PTPRD: variants seen among roughly 807,000 people sequenced by gnomAD.
PTPRD encodes the protein protein tyrosine phosphatase receptor type D.
In PTPRD, 34 loss-of-function variants were observed where a neutral mutation model predicts 214.5. The observed-to-expected ratio is 0.16, with a 90% CI of 0.12 to 0.21. The LOEUF (loss-of-function observed/expected upper bound fraction) is 0.21, where lower values mean the gene tolerates loss of function less well. Ranked by LOEUF, PTPRD falls within the 10% of genes least tolerant of loss-of-function variation. PTPRD has a pLI of 1.00. For missense variants in PTPRD, 2,545 were observed against 2,398.7 expected, an observed-to-expected ratio of 1.06 and a Z score of -1.27; for synonymous variants, 1,128 against 845.7, an observed-to-expected ratio of 1.33 and a Z score of -5.79.
chr9:10,116,273 G>T (rs72694893), intron 3 of PTPRD, among the ~76,000 whole-genome samples: 9,346 of 152,078 alleles, frequency 0.061, 368 homozygotes, highest in Admixed American at 0.1. Flanking sequence ...TGGATTATTA[G>T]TGTTTATGCT....
At chr9:10,307,699 G>C (rs1009426048) in intron 3 of PTPRD, among the ~76,000 whole-genome samples, 1 of 151,806 alleles carries the variant, frequency 6.6e-6, no homozygotes, top group Non-Finnish European at 1.5e-5. Flanking sequence ...TTAAATACTG[G>C]ATGTAAAAGA....
At chr9:8,617,621 GA>G (rs1683830158) in intron 14 of PTPRD, among the ~76,000 whole-genome samples, 1 of 151,934 alleles carries the variant, frequency 6.6e-6, no homozygotes, top group Admixed American at 6.6e-5. Flanking sequence ...CTACTTAAAA[GA>G]ACAAACAAAA....
At chr9:10,583,051 A>G (rs190428427) in intron 2 of PTPRD, among the ~76,000 whole-genome samples, 8 of 152,368 alleles carry the variant, frequency 5.3e-5, no homozygotes, top group African/African-American at 1.9e-4. Flanking sequence ...TGGATGATAA[A>G]GTCTGGGAGT....
intron 11 of PTPRD, among the ~76,000 whole-genome samples, chr9:8,923,997 T>G (rs1359762737): frequency 6.6e-6 from 1 of 152,232 alleles, no homozygotes; most frequent in East Asian, 1.9e-4. Context: ...ATTGAACTGC[T>G]TTGCAAGCCA....
chr9:9,484,863 C>A (rs1181575112), intron 8 of PTPRD, among the ~76,000 whole-genome samples: 1 of 152,040 alleles, frequency 6.6e-6, no homozygotes, highest in East Asian at 1.9e-4. Context: ...TGTAGAGAAG[C>A]TTCATGTAAC....
At chr9:10,309,421 C>T (rs1013726652) in intron 3 of PTPRD, among the ~76,000 whole-genome samples, 17 of 151,916 alleles carry the variant, frequency 1.1e-4, no homozygotes, top group African/African-American at 3.6e-4. Flanking sequence ...GGCACAATCT[C>T]GACTCACTTC....
intron 3 of PTPRD, among the ~76,000 whole-genome samples, chr9:10,147,251 A>G (rs1345682267): frequency 1.6e-4 from 24 of 148,104 alleles, no homozygotes. Context: ...AATGTGAAAA[A>G]CAACATATAG....
intron 11 of PTPRD, among the ~76,000 whole-genome samples, chr9:8,776,952 G>A (rs146092445): frequency 1.9e-4 from 28 of 146,888 alleles, no homozygotes; most frequent in African/African-American, 6.7e-4. Flanking sequence ...CATATGTATA[G>A]TATATAAATA....
At chr9:10,050,825 G>A (rs1418489844) in intron 3 of PTPRD, among the ~76,000 whole-genome samples, 1 of 151,674 alleles carries the variant, frequency 6.6e-6, no homozygotes, top group East Asian at 1.9e-4. Context: ...GGTGAGTTGT[G>A]GGTCTCCATA....
At chr9:8,729,988 G>A (rs542102664) in intron 12 of PTPRD, among the ~76,000 whole-genome samples, 1 of 152,338 alleles carries the variant, frequency 6.6e-6, no homozygotes, top group East Asian at 1.9e-4. Context: ...CGGGCGTGGT[G>A]GCTCACGCCT....
chr9:10,496,791 T>G (rs1039315218), intron 2 of PTPRD, among the ~76,000 whole-genome samples: 1 of 152,130 alleles, frequency 6.6e-6, no homozygotes, highest in African/African-American at 2.4e-5. Flanking sequence ...TTGCCCACAC[T>G]TTAACGGGGT....
intron 8 of PTPRD, among the ~76,000 whole-genome samples, chr9:9,565,345 C>G (rs1704124208): frequency 6.6e-6 from 1 of 151,734 alleles, no homozygotes; most frequent in Non-Finnish European, 1.5e-5. Context: ...AATGGAGATA[C>G]ACTTCTGATG....
chr9:9,908,910 A>T (rs1326234067), intron 5 of PTPRD, among the ~76,000 whole-genome samples: 1 of 151,988 alleles, frequency 6.6e-6, no homozygotes, highest in African/African-American at 2.4e-5. Flanking sequence ...GTTAAACCAA[A>T]ATATTATACA....
At chr9:8,613,841 T>C (rs950462907) in intron 14 of PTPRD, among the ~76,000 whole-genome samples, 2 of 152,200 alleles carry the variant, frequency 1.3e-5, no homozygotes, top group African/African-American at 4.8e-5. Context: ...GAATTACATT[T>C]TCACATTCTC....
At chr9:10,035,725 A>G (rs1293633721) in intron 3 of PTPRD, among the ~76,000 whole-genome samples, 1 of 151,422 alleles carries the variant, frequency 6.6e-6, no homozygotes, top group Non-Finnish European at 1.5e-5. Flanking sequence ...ATTTCCCCCA[A>G]CCCAAATGTT....
intron 8 of PTPRD, among the ~76,000 whole-genome samples, chr9:9,489,423 T>G (rs2095805602): frequency 6.6e-6 from 1 of 152,052 alleles, no homozygotes; most frequent in African/African-American, 2.4e-5. Context: ...AAAAATAAAC[T>G]GTCCCTGACA....
chr9:9,454,194 G>T (rs1319401228), intron 8 of PTPRD, among the ~76,000 whole-genome samples: 1 of 151,676 alleles, frequency 6.6e-6, no homozygotes, highest in Non-Finnish European at 1.5e-5. Flanking sequence ...TTCCAGTGAT[G>T]AGCTAACAAA....
chr9:10,192,492 A>C (rs2099369827), intron 3 of PTPRD, among the ~76,000 whole-genome samples: 1 of 149,814 alleles, frequency 6.7e-6, no homozygotes, highest in Admixed American at 6.7e-5. Context: ...TTATCACTAC[A>C]TTCCTTCCTT....
intron 3 of PTPRD, among the ~76,000 whole-genome samples, chr9:10,241,486 T>C (rs1282265514): frequency 1.3e-5 from 2 of 152,036 alleles, no homozygotes; most frequent in Middle Eastern, 3.4e-3. Flanking sequence ...CAAATTATAG[T>C]ATAGCCATGC....
Sources: allele counts gnomAD v4.1 joint callset (sites outside exome capture counted in the v4.1 genomes callset), GRCh38; gene constraint gnomAD v4.1.1; transcripts MANE v1.5; gene names NCBI Gene and HGNC (gene_info 2026-07-23, HGNC 2026-07-21).